Variants in MAN2A1 observed in about 807,000 individuals in gnomAD.
MAN2A1 encodes alpha-mannosidase 2.
MAN2A1 carries 76 observed loss-of-function variants against 142.6 expected under a neutral mutation model. The ratio of observed to expected loss-of-function variants is 0.53; its 90% CI spans 0.44 to 0.65. The LOEUF is 0.65. Among genes scored for constraint, MAN2A1 ranks in the 30% least tolerant of loss-of-function variants. The pLI is 0.00. For synonymous variants in MAN2A1, 559 were observed against 473.2 expected (o/e 1.18, Z -2.35); for missense variants, 1,311 against 1,365.1 (o/e 0.96, Z 0.62).
chr5:109,825,241 A>G (rs1459204998), intron 16 of MAN2A1, among the ~76,000 whole-genome samples: 1 of 152,152 alleles, frequency 6.6e-6, no homozygotes, highest in Non-Finnish European at 1.5e-5. Flanking sequence ...GCATTACCCC[A>G]CAGAAGATAT....
intron 16 of MAN2A1, among the ~76,000 whole-genome samples, chr5:109,835,818 G>C (rs1755042216): frequency 6.6e-6 from 1 of 152,188 alleles, no homozygotes; most frequent in African/African-American, 2.4e-5. Context: ...ATCTGGAGAG[G>C]TGGAGAGGGT....
At chr5:109,802,855 T>A (rs1754067188) in intron 12 of MAN2A1, among the ~76,000 whole-genome samples, 1 of 152,106 alleles carries the variant, frequency 6.6e-6, no homozygotes, top group South Asian at 2.1e-4. Context: ...TTCAAAAGAT[T>A]TATCGTTCTA....
intron 12 of MAN2A1, among the ~76,000 whole-genome samples, chr5:109,809,142 C>T (rs1043644800): frequency 6.6e-5 from 10 of 151,968 alleles, no homozygotes; most frequent in African/African-American, 1.9e-4. Context: ...TATAATGCTG[C>T]CACCTAACAA....
At chr5:109,730,988 T>A (rs1751889129) in intron 4 of MAN2A1, among the ~76,000 whole-genome samples, 1 of 152,214 alleles carries the variant, frequency 6.6e-6, no homozygotes, top group South Asian at 2.1e-4. Context: ...TCATGGACTT[T>A]TCTGTTTGAC....
intron 12 of MAN2A1, among the ~76,000 whole-genome samples, chr5:109,790,849 T>C (rs974237128): frequency 6.6e-6 from 1 of 152,066 alleles, no homozygotes; most frequent in Admixed American, 6.6e-5. Context: ...GGTGCTCTTA[T>C]GCTGGGTGCA....
intron 4 of MAN2A1, among the ~76,000 whole-genome samples, chr5:109,739,193 G>A (rs1308295609): frequency 6.6e-6 from 1 of 151,882 alleles, no homozygotes; most frequent in East Asian, 1.9e-4. Context: ...CTCTCTTAAA[G>A]CTTTCTTATA....
chr5:109,722,876 A>C (rs982999307), intron 3 of MAN2A1, among the ~76,000 whole-genome samples: 2 of 152,144 alleles, frequency 1.3e-5, no homozygotes, highest in Non-Finnish European at 2.9e-5. Context: ...CAGTTTTCTC[A>C]TTATTTCAAA....
In MAN2A1 at chr5:109,767,547, G is replaced by T. The variant is rs375505532; in HGVS notation, c.848G>T (p.Arg283Leu). 1.4e-5 allele frequency: 22 copies of T among 1,611,156 alleles called. No individual in the cohort carries two copies. The highest frequency in any genetic ancestry group is 1.7e-5 in the Non-Finnish European group (20 of 1,179,012). Residue 283 changes from arginine to leucine, a missense_variant, in exon 6 of 22, where the codon CGG becomes CTG. Around this residue, in one of 3 missense-constraint regions of MAN2A1, gnomAD observed 409 missense variants for 412.7 expected, o/e 0.99. Coordinates refer to ENST00000261483, the MANE Select transcript of MAN2A1 (RefSeq NM_002372.4). ...WLENNIGVKPRSGWAIDPFGH... is the reference protein window; with the variant it reads ...WLENNIGVKPLSGWAIDPFGH... Reference sequence around the variant, plus strand: ...TCTTTATCCACAGGAGTGAAACCTCGGTCCGGCTGGGCTATTGATCCCTTT... The same window carrying T: ...TCTTTATCCACAGGAGTGAAACCTCTGTCCGGCTGGGCTATTGATCCCTTT...
chr5:109,856,038 C>T (rs1755597760), intron 20 of MAN2A1, among the ~76,000 whole-genome samples: 1 of 151,878 alleles, frequency 6.6e-6, no homozygotes, highest in Admixed American at 6.6e-5. Flanking sequence ...AGAGGATGCT[C>T]ATGTTTAAAG....
intron 7 of MAN2A1, among the ~76,000 whole-genome samples, chr5:109,772,345 G>A (rs985691064): frequency 6.6e-6 from 1 of 152,182 alleles, no homozygotes; most frequent in Non-Finnish European, 1.5e-5. Flanking sequence ...CTCCAGCCTG[G>A]GTGACAGAGT....
chr5:109,831,342 G>A (rs961817379), intron 16 of MAN2A1, among the ~76,000 whole-genome samples: 4 of 152,170 alleles, frequency 2.6e-5, no homozygotes, highest in African/African-American at 9.7e-5. Context: ...TAAGGATTGG[G>A]GGAATTGGGG....
At chr5:109,850,116 T>G (rs1258443505) in intron 19 of MAN2A1, among the ~76,000 whole-genome samples, 1 of 152,192 alleles carries the variant, frequency 6.6e-6, no homozygotes, top group African/African-American at 2.4e-5. Flanking sequence ...TGATCCTGTC[T>G]TCTCCCCTCC....
chr5:109,805,514 A>G (rs1052512774), intron 12 of MAN2A1, among the ~76,000 whole-genome samples: 3 of 152,202 alleles, frequency 2.0e-5, no homozygotes, highest in African/African-American at 7.2e-5. Flanking sequence ...CATTGATACC[A>G]ACTCTGTTCT....
chr5:109,750,404 A>AG (rs1432686670), intron 4 of MAN2A1, among the ~76,000 whole-genome samples: 20 of 152,054 alleles, frequency 1.3e-4, no homozygotes, highest in Admixed American at 2.6e-4. Flanking sequence ...GATGGATTAG[A>AG]GGGTAATACC....
chr5:109,713,776 T>C lies in MAN2A1; in HGVS notation c.390+2T>C. 1.2e-6 allele frequency: 2 copies of C among 1,610,152 alleles called. No individual in the cohort carries two copies. The highest frequency in any genetic ancestry group is 1.7e-6 in the Non-Finnish European group (2 of 1,177,838). ...GGAAGTCACAATTCAGATGTGCAGGTAATGTATACATTCGTTAATAATCAC... is the reference window on the plus strand; with the variant it reads ...GGAAGTCACAATTCAGATGTGCAGGCAATGTATACATTCGTTAATAATCAC... On this transcript the variant is annotated splice_donor_variant, in intron 2 of 21. Coordinates refer to ENST00000261483, the MANE Select transcript of MAN2A1 (RefSeq NM_002372.4). LOFTEE classifies it high-confidence loss of function.
rs556030182 is a variant in MAN2A1, at chr5:109,721,032, C to T, written c.535+4768C>T. ...TGAGTTCTGGCATTTATTGCCTGTA[C>T]GGCATCAGGGGAGTTGCAGGTCTTT... On this transcript the variant is annotated intron_variant, in intron 3 of 21. Coordinates refer to ENST00000261483, the MANE Select transcript of MAN2A1 (RefSeq NM_002372.4). Among the ~76,000 whole-genome samples the T allele has an allele frequency of 1.4e-4, 22 of 152,256 alleles. No homozygotes were observed. The South Asian group carries it at 3.9e-3, about 27-fold the overall frequency.
At chr5:109,719,664 A>T (rs1270154507) in intron 3 of MAN2A1, among the ~76,000 whole-genome samples, 3 of 152,164 alleles carry the variant, frequency 2.0e-5, no homozygotes, top group African/African-American at 7.2e-5. Flanking sequence ...ATTTTCGTCT[A>T]TTGGGAATAG....
chr5:109,819,866 T>C lies in MAN2A1; in HGVS notation c.2307T>C (p.Phe769=). 6.3e-7 allele frequency: 1 copy of C among 1,594,696 alleles called. No individual in the cohort carries two copies. The highest frequency in any genetic ancestry group is 8.5e-7 in the Non-Finnish European group (1 of 1,171,182). ...TLENSFVLLR[F]DQTGLMKQMM... ...AGAACTCCTTTGTTTTACTTCGGTT[T>C]GATCAAACTGGACTTATGAAGGTAT... Residue 769 remains phenylalanine (F), a synonymous_variant, in exon 14 of 22, where the codon TTT becomes TTC. Coordinates refer to ENST00000261483, the MANE Select transcript of MAN2A1 (RefSeq NM_002372.4).
intron 4 of MAN2A1, among the ~76,000 whole-genome samples, chr5:109,736,565 G>A (rs1435841817): frequency 6.6e-6 from 1 of 152,040 alleles, no homozygotes; most frequent in Non-Finnish European, 1.5e-5. Flanking sequence ...TACTTCTTGA[G>A]CATGAAAAAT....
Sources: allele counts gnomAD v4.1 joint callset (sites outside exome capture counted in the v4.1 genomes callset), GRCh38; gene constraint gnomAD v4.1.1; regional missense constraint gnomAD v4.1.1; transcripts MANE v1.5; gene names NCBI Gene and HGNC (gene_info 2026-07-23, HGNC 2026-07-21).